The following NPAS3 variants were observed in gnomAD, a reference collection of about 807,000 sequenced individuals.
NPAS3 encodes the protein neuronal PAS domain protein 3, also known as neuronal PAS domain-containing protein 3.
NPAS3 carries 14 observed loss-of-function variants against 73.1 expected under a neutral mutation model. That is an observed-to-expected ratio of 0.19 (90% confidence interval 0.13 to 0.30). The LOEUF is 0.30. Ranked by LOEUF, NPAS3 falls within the 10% of genes least tolerant of loss-of-function variation. The probability of loss-of-function intolerance (pLI) is 1.00; values close to 1 mark genes in which losing one functional copy is unlikely to be tolerated. For missense variants in NPAS3, 1,096 were observed against 1,250.0 expected (o/e 0.88, Z 1.86); for synonymous variants, 620 against 541.5 (o/e 1.14, Z -2.01).
intron 4 of NPAS3, among the ~76,000 whole-genome samples, chr14:33,491,756 G>C (rs1447100061): frequency 6.6e-6 from 1 of 152,186 alleles, no homozygotes; most frequent in Admixed American, 6.5e-5. Flanking sequence ...AGCATTGCTT[G>C]TGGGAGTAAA....
At chr14:33,606,328 G>GT (rs1307678318) in intron 5 of NPAS3, among the ~76,000 whole-genome samples, 2 of 148,126 alleles carry the variant, frequency 1.4e-5, no homozygotes, top group South Asian at 2.1e-4. Flanking sequence ...GCAGTGTTTG[G>GT]TTTTTTGTTC....
intron 6 of NPAS3, among the ~76,000 whole-genome samples, chr14:33,699,858 T>C (rs1738501652): frequency 6.6e-6 from 1 of 152,092 alleles, no homozygotes; most frequent in South Asian, 2.1e-4. Context: ...GGGGCACAGC[T>C]CATATATTCC....
At chr14:33,674,267 A>G (rs1018871645) in intron 5 of NPAS3, among the ~76,000 whole-genome samples, 1 of 152,218 alleles carries the variant, frequency 6.6e-6, no homozygotes, top group Non-Finnish European at 1.5e-5. Context: ...TTGTCATCCT[A>G]TCACAATCTA....
At chr14:33,638,709 C>G (rs2058595090) in intron 5 of NPAS3, among the ~76,000 whole-genome samples, 3 of 152,168 alleles carry the variant, frequency 2.0e-5, no homozygotes, top group African/African-American at 7.2e-5. Flanking sequence ...CTAGAAATGT[C>G]CAGCCTCAAA....
intron 3 of NPAS3, among the ~76,000 whole-genome samples, chr14:33,298,472 T>G (rs2042395815): frequency 6.6e-6 from 1 of 152,232 alleles, no homozygotes; most frequent in African/African-American, 2.4e-5. Context: ...TTTGTGACAC[T>G]TTTGCCTGTG....
At chr14:33,256,404 T>C (rs1427794007) in intron 3 of NPAS3, among the ~76,000 whole-genome samples, 3 of 152,202 alleles carry the variant, frequency 2.0e-5, no homozygotes, top group Non-Finnish European at 4.4e-5. Flanking sequence ...TTGATTTTGT[T>C]TCCATAAATT....
intron 3 of NPAS3, among the ~76,000 whole-genome samples, chr14:33,344,056 C>A (rs1369283324): frequency 6.6e-6 from 1 of 152,152 alleles, no homozygotes; most frequent in Non-Finnish European, 1.5e-5. Flanking sequence ...TATTCCCATA[C>A]TTAGAGTGAT....
intron 4 of NPAS3, among the ~76,000 whole-genome samples, chr14:33,455,838 C>G (rs1420665248): frequency 6.6e-6 from 1 of 152,098 alleles, no homozygotes; most frequent in Non-Finnish European, 1.5e-5. Flanking sequence ...TATGCATGTA[C>G]AAAAGTTAAA....
At chr14:33,750,010 T>C (rs1456583711) in intron 7 of NPAS3, among the ~76,000 whole-genome samples, 1 of 152,182 alleles carries the variant, frequency 6.6e-6, no homozygotes, top group East Asian at 1.9e-4. Context: ...ATCTTAATCA[T>C]GCCATCCAGT....
At chr14:33,375,292 T>C (rs1455886477) in intron 4 of NPAS3, among the ~76,000 whole-genome samples, 1 of 152,202 alleles carries the variant, frequency 6.6e-6, no homozygotes, top group Non-Finnish European at 1.5e-5. Flanking sequence ...ATATGCAAAT[T>C]AGCTTAATTG....
chr14:33,569,238 T>G (rs1460224423), intron 5 of NPAS3, among the ~76,000 whole-genome samples: 1 of 152,236 alleles, frequency 6.6e-6, no homozygotes, highest in Non-Finnish European at 1.5e-5. Context: ...ATTTTTAATG[T>G]GCTGGCAGAT....
intron 4 of NPAS3, among the ~76,000 whole-genome samples, chr14:33,447,192 A>G (rs2049551285): frequency 6.6e-6 from 1 of 152,258 alleles, no homozygotes; most frequent in African/African-American, 2.4e-5. Flanking sequence ...AGAAGTTCAG[A>G]GAGTCTTTGC....
At chr14:33,462,436 T>C (rs566623643) in intron 4 of NPAS3, among the ~76,000 whole-genome samples, 1 of 152,232 alleles carries the variant, frequency 6.6e-6, no homozygotes, top group African/African-American at 2.4e-5. Flanking sequence ...GGAAATGACA[T>C]GTTTCCTACA....
chr14:33,783,615 C>T (rs933189430), intron 9 of NPAS3, among the ~76,000 whole-genome samples: 6 of 151,782 alleles, frequency 4.0e-5, no homozygotes, highest in Middle Eastern at 3.4e-3. Context: ...GGGCGGGTAC[C>T]GGCAGGGAGA....
At chr14:32,968,912 G>T (rs1443757356) in intron 1 of NPAS3, among the ~76,000 whole-genome samples, 1 of 152,040 alleles carries the variant, frequency 6.6e-6, no homozygotes, top group Admixed American at 6.6e-5. Flanking sequence ...GCATCCACTA[G>T]CTATTCTTCC....
At chr14:33,690,475 G>T (rs930395208) in intron 6 of NPAS3, among the ~76,000 whole-genome samples, 1 of 152,188 alleles carries the variant, frequency 6.6e-6, no homozygotes, top group East Asian at 1.9e-4. Flanking sequence ...TCAAGCCAAT[G>T]ACCTACAGGT....
At chr14:33,526,783 G>A (rs746674961) in intron 4 of NPAS3, among the ~76,000 whole-genome samples, 4 of 152,112 alleles carry the variant, frequency 2.6e-5, no homozygotes, top group Non-Finnish European at 4.4e-5. Flanking sequence ...AAATTGTTCA[G>A]GATGAAGACA....
At chr14:33,535,465 T>C (rs2054221345) in intron 4 of NPAS3, among the ~76,000 whole-genome samples, 1 of 152,064 alleles carries the variant, frequency 6.6e-6, no homozygotes, top group Non-Finnish European at 1.5e-5. Flanking sequence ...TCATGTAGAG[T>C]ATGCCTTTTT....
At chr14:33,408,557 T>C (rs1179079070) in intron 4 of NPAS3, among the ~76,000 whole-genome samples, 1 of 152,178 alleles carries the variant, frequency 6.6e-6, no homozygotes, top group Admixed American at 6.6e-5. Context: ...ACTGAACACC[T>C]TGCATGAGGT....
Sources: allele counts gnomAD v4.1 joint callset (sites outside exome capture counted in the v4.1 genomes callset), GRCh38; gene constraint gnomAD v4.1.1; transcripts MANE v1.5; gene names NCBI Gene and HGNC (gene_info 2026-07-23, HGNC 2026-07-21).